CPA6: variants seen among roughly 807,000 people sequenced by gnomAD.
The protein encoded by CPA6 is carboxypeptidase B.
Under a neutral mutation model 63.3 loss-of-function variants are expected in CPA6, and 58 were observed. That is an observed-to-expected ratio of 0.92 (90% confidence interval 0.74 to 1.14). CPA6 has a LOEUF of 1.14. Among genes scored for constraint, CPA6 ranks in the 50% most tolerant of loss-of-function variants. The pLI is 0.00. For synonymous variants in CPA6, 185 were observed against 179.0 expected, an observed-to-expected ratio of 1.03 and a Z score of -0.27; for missense variants, 565 against 526.6, an observed-to-expected ratio of 1.07 and a Z score of -0.71.
At chr8:67,718,564 C>T (rs1453045553) in intron 1 of CPA6, among the ~76,000 whole-genome samples, 2 of 151,932 alleles carry the variant, frequency 1.3e-5, no homozygotes, top group Non-Finnish European at 2.9e-5. Context: ...CTCTTCTCCA[C>T]ATCTTAATCT....
intron 1 of CPA6, among the ~76,000 whole-genome samples, chr8:67,670,183 G>A (rs1816312410): frequency 6.6e-6 from 1 of 152,168 alleles, no homozygotes; most frequent in Non-Finnish European, 1.5e-5. Flanking sequence ...AATTTATAAA[G>A]AAAAGAGGTT....
rs183027313 is a variant in CPA6 at position 67,552,904 on chromosome 8, A to G, written c.193-34857T>C. On this transcript the variant is annotated intron_variant, in intron 2 of 10. Transcript: ENST00000297770. ...AAATAAGTTCCATTTGTACAGTTGC[A>G]TTTTTGTTTGAATTAGTTAAAAGGA... 9.2e-5 allele frequency among the ~76,000 whole-genome samples: 14 copies of G among 152,066 alleles called. No individual in the cohort carries two copies. In the East Asian group the frequency reaches 2.7e-3, roughly 29 times the overall value.
At chr8:67,636,060 G>T (rs1480903888) in intron 1 of CPA6, among the ~76,000 whole-genome samples, 2 of 151,610 alleles carry the variant, frequency 1.3e-5, no homozygotes, top group African/African-American at 4.9e-5. Context: ...TCAGAACTTG[G>T]ATATCCCTTA....
At chr8:67,621,530 T>A (rs1251417943) in intron 2 of CPA6, among the ~76,000 whole-genome samples, 2 of 152,218 alleles carry the variant, frequency 1.3e-5, no homozygotes, top group Non-Finnish European at 2.9e-5. Flanking sequence ...ACCGACTAGA[T>A]CCATGTTCCA....
intron 8 of CPA6, among the ~76,000 whole-genome samples, chr8:67,461,284 A>G (rs1810796916): frequency 6.9e-6 from 1 of 144,312 alleles, no homozygotes; most frequent in Non-Finnish European, 1.5e-5. Context: ...TGCTGCCTTC[A>G]AGCATCTGTT....
intron 8 of CPA6, among the ~76,000 whole-genome samples, chr8:67,464,106 C>T (rs564669718): frequency 2.9e-4 from 44 of 152,316 alleles, no homozygotes; most frequent in African/African-American, 1.1e-3. Flanking sequence ...TCCACAGTGG[C>T]TGAACTAATT....
In CPA6 at chr8:67,517,996, T is replaced by TA; in HGVS notation, c.243dup (p.Thr82TyrfsTer2). Reference sequence around the variant, plus strand: ...CCATTTTGGGGGATATGGACATCAGTAACTGTTCCCTCTGATACATAGGAG... The same window carrying TA: ...CCATTTTGGGGGATATGGACATCAGTAAACTGTTCCCTCTGATACATAGGAG... On this transcript the variant is annotated frameshift_variant, in exon 3 of 11. Transcript: ENST00000297770. LOFTEE classifies it high-confidence loss of function. 1 of 1,613,032 alleles carries TA rather than the reference T, an allele frequency of 6.2e-7. No individual in the cohort carries two copies.
intron 1 of CPA6, among the ~76,000 whole-genome samples, chr8:67,716,931 T>C (rs1284154917): frequency 1.3e-5 from 2 of 152,242 alleles, no homozygotes; most frequent in African/African-American, 4.8e-5. Context: ...GTTAGCAGCA[T>C]ACCATTCCAC....
intron 8 of CPA6, among the ~76,000 whole-genome samples, chr8:67,471,220 G>T (rs530833970): frequency 2.6e-5 from 4 of 152,012 alleles, no homozygotes. Context: ...TCTTTCCCTA[G>T]ACTTCCTCCC....
intron 2 of CPA6, among the ~76,000 whole-genome samples, chr8:67,525,059 T>C (rs1812334715): frequency 6.6e-6 from 1 of 152,238 alleles, no homozygotes; most frequent in African/African-American, 2.4e-5. Context: ...TTCCTTGCTC[T>C]ACTTATGACT....
chr8:67,440,965 T>C (rs761202828), intron 8 of CPA6, among the ~76,000 whole-genome samples: 29 of 152,184 alleles, frequency 1.9e-4, no homozygotes, highest in Non-Finnish European at 3.2e-4. Context: ...CTCACTGAAT[T>C]TAACTAATTA....
intron 2 of CPA6, among the ~76,000 whole-genome samples, chr8:67,572,362 CT>C (rs371068810): frequency 8.9e-4 from 136 of 152,292 alleles, no homozygotes; most frequent in African/African-American, 3.1e-3. Flanking sequence ...TAAGTTCTTG[CT>C]TTTGAAAGAC....
intron 1 of CPA6, among the ~76,000 whole-genome samples, chr8:67,699,009 A>C (rs1816965353): frequency 6.6e-6 from 1 of 152,238 alleles, no homozygotes; most frequent in African/African-American, 2.4e-5. Context: ...CATAGTTGGA[A>C]GGAAAAAGGC....
intron 6 of CPA6, among the ~76,000 whole-genome samples, chr8:67,496,533 ATATATATATATATATATATATATATT>A (rs1439355718): frequency 7.4e-6 from 1 of 135,190 alleles, no homozygotes; most frequent in African/African-American, 3.0e-5. Flanking sequence ...ATATATATAT[ATATATATATATATATATATATATATT>A]TATTTTATTT....
intron 8 of CPA6, among the ~76,000 whole-genome samples, chr8:67,457,440 G>A (rs942432029): frequency 7.9e-5 from 12 of 152,036 alleles, no homozygotes; most frequent in Admixed American, 2.6e-4. Flanking sequence ...TTTTTTGGCT[G>A]AAGATCTTGG....
intron 1 of CPA6, among the ~76,000 whole-genome samples, chr8:67,710,270 T>C (rs58967460): frequency 0.34 from 51,716 of 151,874 alleles, 10,260 homozygotes; most frequent in African/African-American, 0.55. Flanking sequence ...TAACCACCTT[T>C]GGAGAGAATA....
intron 1 of CPA6, among the ~76,000 whole-genome samples, chr8:67,654,541 G>A (rs953868103): frequency 3.3e-5 from 5 of 152,104 alleles, no homozygotes; most frequent in Admixed American, 2.0e-4. Context: ...AGAGGTGTTT[G>A]TAGTATTCTC....
intron 2 of CPA6, among the ~76,000 whole-genome samples, chr8:67,614,561 A>C (rs910937485): frequency 6.6e-6 from 1 of 152,218 alleles, no homozygotes; most frequent in African/African-American, 2.4e-5. Flanking sequence ...TGCAGACCAG[A>C]GCAGGCGACC....
chr8:67,632,483 A>T (rs547894230), intron 1 of CPA6, among the ~76,000 whole-genome samples: 1 of 152,254 alleles, frequency 6.6e-6, no homozygotes, highest in South Asian at 2.1e-4. Flanking sequence ...AATTAAAAAA[A>T]AATTTTTTTT....
Sources: gnomAD v4.1 joint callset for allele counts (sites outside exome capture counted in the v4.1 genomes callset) on GRCh38, gnomAD v4.1.1 for gene constraint, MANE v1.5 for transcripts, NCBI Gene and HGNC (gene_info 2026-07-23, HGNC 2026-07-21) for gene names.